DOCK4: variants seen among roughly 807,000 people sequenced by gnomAD.
The protein encoded by DOCK4 is dedicator of cytokinesis 4.
Under a neutral mutation model 268.1 loss-of-function variants are expected in DOCK4, and 97 were observed. The ratio of observed to expected loss-of-function variants is 0.36; its 90% CI spans 0.31 to 0.43. The LOEUF (loss-of-function observed/expected upper bound fraction) is 0.43, where lower values mean the gene tolerates loss of function less well. Among genes scored for constraint, DOCK4 ranks in the 20% least tolerant of loss-of-function variants. The pLI is 1.00. For missense variants in DOCK4, 2,145 were observed against 2,455.7 expected (o/e 0.87, Z 2.67); for synonymous variants, 954 against 887.2 (o/e 1.08, Z -1.34).
At chr7:111,841,066 G>A (rs1458186896) in intron 25 of DOCK4, among the ~76,000 whole-genome samples, 1 of 152,172 alleles carries the variant, frequency 6.6e-6, no homozygotes, top group Non-Finnish European at 1.5e-5. Flanking sequence ...CATTTATTGA[G>A]TATCAGACCA....
rs144648417 is a variant in DOCK4 at position 111,844,615 on chromosome 7, A to G, written c.2736+148T>C. The G allele has an allele frequency of 5.4e-3, 5,827 of 1,070,400 alleles. 31 individuals are homozygous for G. Among genetic ancestry groups the G allele is most frequent in the Non-Finnish European group, 5.4e-3 (4,333 of 802,956 alleles). 66.3% of individuals were successfully genotyped at this position (1,070,400 alleles called of 1,614,324 possible). A position where few individuals can be genotyped will look rare whatever the true frequency, so the allele number is the denominator to read the frequency against. ...ATGTTTTATATCTTGGTTTCCTTGT[A>G]AAATTAAGGTAACCTCATATGATTT... is the stretch of plus-strand genomic sequence containing the variant. On this transcript the variant is annotated intron_variant, in intron 25 of 52. Coordinates refer to ENST00000428084, the MANE Select transcript of DOCK4 (RefSeq NM_001363540.2).
At chr7:111,932,682 G>T (rs1354471468) in intron 12 of DOCK4, among the ~76,000 whole-genome samples, 1 of 151,946 alleles carries the variant, frequency 6.6e-6, no homozygotes, top group Non-Finnish European at 1.5e-5. Context: ...ATTTCAACAT[G>T]TAATCAATAT....
intron 1 of DOCK4, among the ~76,000 whole-genome samples, chr7:112,088,762 T>C (rs533542685): frequency 6.6e-6 from 1 of 152,282 alleles, no homozygotes; most frequent in African/African-American, 2.4e-5. Context: ...GAATGTATCC[T>C]AGCTCTGCCA....
At chr7:111,882,003 G>C (rs1432316273) in intron 16 of DOCK4, among the ~76,000 whole-genome samples, 3 of 152,096 alleles carry the variant, frequency 2.0e-5, no homozygotes, top group Non-Finnish European at 2.9e-5. Flanking sequence ...GTAAGACCTA[G>C]TATTTGATAA....
At chr7:112,182,186 G>A (rs1819111281) in intron 1 of DOCK4, among the ~76,000 whole-genome samples, 1 of 152,102 alleles carries the variant, frequency 6.6e-6, no homozygotes, top group Non-Finnish European at 1.5e-5. Flanking sequence ...GAGTTGTTGT[G>A]ACACCTGTAA....
At chr7:112,196,453 G>A (rs1185321693) in intron 1 of DOCK4, among the ~76,000 whole-genome samples, 2 of 152,156 alleles carry the variant, frequency 1.3e-5, no homozygotes, top group African/African-American at 4.8e-5. Flanking sequence ...CTTCTCAATG[G>A]TGAAGTGGCA....
chr7:111,935,626 C>T lies in DOCK4; in HGVS notation c.980G>A (p.Cys327Tyr). Residue 327 changes from cysteine to tyrosine, a missense_variant and splice_region_variant, in exon 12 of 53, where the codon TGT becomes TAT. Transcript: ENST00000428084. ...KDDLILKVYM[C>Y]NTESEWYQIH... ...TTGGTACCACTCACTCTCTGTGTTA[C>T]ACCTATGAAAACATTAACACTCTGT... 6.2e-7 allele frequency: 1 copy of T among 1,613,218 alleles called. No individual in the cohort carries two copies. Among genetic ancestry groups the T allele is most frequent in the Non-Finnish European group, 8.5e-7 (1 of 1,179,306 alleles).
At chr7:112,171,759 C>T (rs918399445) in intron 1 of DOCK4, among the ~76,000 whole-genome samples, 1 of 152,204 alleles carries the variant, frequency 6.6e-6, no homozygotes, top group Non-Finnish European at 1.5e-5. Context: ...ATTCTTCTAG[C>T]TGCCTTATTA....
intron 1 of DOCK4, among the ~76,000 whole-genome samples, chr7:112,063,686 T>C (rs1052678145): frequency 6.6e-6 from 1 of 152,196 alleles, no homozygotes; most frequent in Non-Finnish European, 1.5e-5. Flanking sequence ...AAAAAGGAAT[T>C]TACTGATGGG....
intron 1 of DOCK4, among the ~76,000 whole-genome samples, chr7:112,157,960 T>C (rs1462762175): frequency 6.6e-6 from 1 of 152,172 alleles, no homozygotes; most frequent in East Asian, 1.9e-4. Context: ...GCCTATAAAT[T>C]GTCCTCAAAA....
chr7:111,983,862 G>GCGCGCGCGCACACACACACACACACA, intron 7 of DOCK4, among the ~76,000 whole-genome samples: 5 of 138,560 alleles, frequency 3.6e-5, no homozygotes, highest in African/African-American at 1.4e-4. Context: ...GCGCGCGCGC[G>GCGCGCGCGCACACACACACACACACA]CACACACACA....
At chr7:111,894,668 C>G (rs540732152) in intron 16 of DOCK4, among the ~76,000 whole-genome samples, 7 of 152,106 alleles carry the variant, frequency 4.6e-5, no homozygotes, top group Non-Finnish European at 1.0e-4. Flanking sequence ...GCAGAAAGAG[C>G]CAGCAGCAGA....
chr7:111,796,580 C>T (rs1345630521), intron 30 of DOCK4, among the ~76,000 whole-genome samples: 1 of 152,212 alleles, frequency 6.6e-6, no homozygotes, highest in East Asian at 1.9e-4. Flanking sequence ...TCTAAGGCAC[C>T]TATAGTGTTT....
At chr7:112,193,318 G>C (rs180825264) in intron 1 of DOCK4, among the ~76,000 whole-genome samples, 38 of 152,230 alleles carry the variant, frequency 2.5e-4, no homozygotes, top group Non-Finnish European at 3.4e-4. Flanking sequence ...TAACTCAAAT[G>C]GGTGCAGTCG....
In DOCK4 at chr7:111,872,168, G is replaced by A. The variant is rs556653612; in HGVS notation, c.1927-78C>T. 4.5e-3 allele frequency: 6,121 copies of A among 1,367,254 alleles called. 19 individuals are homozygous for A. Among genetic ancestry groups the A allele is most frequent in the Admixed American group, 6.5e-3 (253 of 39,000 alleles). The allele number at this position is 1,367,254 out of a possible 1,614,324, so 84.7% of individuals were successfully genotyped here. A position where few individuals can be genotyped will look rare whatever the true frequency, so the allele number is the denominator to read the frequency against. On this transcript the variant is annotated intron_variant, in intron 19 of 52. Coordinates refer to ENST00000428084, the MANE Select transcript of DOCK4 (RefSeq NM_001363540.2). ...TTTTTTTTTTGCTTCTTTTTAAAAT[G>A]AACTCTTACATTATTAAGCACATGT... is the stretch of plus-strand genomic sequence containing the variant.
At chr7:112,188,358 C>T (rs1326329881) in intron 1 of DOCK4, among the ~76,000 whole-genome samples, 1 of 152,204 alleles carries the variant, frequency 6.6e-6, no homozygotes, top group Non-Finnish European at 1.5e-5. Flanking sequence ...TGGAAATCAC[C>T]TCATCAAACT....
At chr7:111,788,454 A>C (rs1799320278) in intron 32 of DOCK4, 4 of 566,984 alleles carry the variant, frequency 7.1e-6, no homozygotes, top group African/African-American at 1.9e-5. Flanking sequence ...CAGAGATTAA[A>C]ACAGGAAGAC....
chr7:112,107,106 C>G (rs1811203496), intron 1 of DOCK4, among the ~76,000 whole-genome samples: 1 of 152,166 alleles, frequency 6.6e-6, no homozygotes, highest in African/African-American at 2.4e-5. Context: ...TATATTAAGA[C>G]TTAATAAGCC....
chr7:112,025,044 T>C (rs1186861536), intron 1 of DOCK4, among the ~76,000 whole-genome samples: 1 of 152,188 alleles, frequency 6.6e-6, no homozygotes, highest in African/African-American at 2.4e-5. Flanking sequence ...AGCTGGGTCA[T>C]TGAGAAAGCA....
Sources: allele counts gnomAD v4.1 joint callset (sites outside exome capture counted in the v4.1 genomes callset), GRCh38; gene constraint gnomAD v4.1.1; transcripts MANE v1.5; gene names NCBI Gene and HGNC (gene_info 2026-07-23, HGNC 2026-07-21).